CBLB: variants seen among roughly 807,000 people sequenced by gnomAD.
CBLB encodes the protein Cbl proto-oncogene B, also known as E3 ubiquitin-protein ligase CBL-B.
Under a neutral mutation model 104.9 loss-of-function variants are expected in CBLB, and 31 were observed. The ratio of observed to expected loss-of-function variants is 0.30; its 90% CI spans 0.22 to 0.40. The LOEUF (loss-of-function observed/expected upper bound fraction) is 0.40. Ranked by LOEUF, CBLB falls within the 10% of genes least tolerant of loss-of-function variation. The pLI is 1.00. For missense variants in CBLB, 1,062 were observed against 1,214.6 expected (o/e 0.87, Z 1.87); for synonymous variants, 440 against 422.6 (o/e 1.04, Z -0.51).
intron 2 of CBLB, among the ~76,000 whole-genome samples, chr3:105,856,626 C>T (rs1342291314): frequency 6.6e-6 from 1 of 151,800 alleles, no homozygotes; most frequent in African/African-American, 2.4e-5. Flanking sequence ...GTATTATTTC[C>T]TTTATTTTTA....
At chr3:105,816,063 G>C (rs912236522) in intron 3 of CBLB, among the ~76,000 whole-genome samples, 1 of 152,068 alleles carries the variant, frequency 6.6e-6, no homozygotes, top group African/African-American at 2.4e-5. Context: ...GGAGGTAGGG[G>C]GCAAGGGGAG....
At chr3:105,751,876 T>C (rs2076622403) in intron 4 of CBLB, among the ~76,000 whole-genome samples, 1 of 152,202 alleles carries the variant, frequency 6.6e-6, no homozygotes, top group Admixed American at 6.5e-5. Flanking sequence ...AAGATAGCTA[T>C]AGAAACATAT....
At chr3:105,767,232 T>TACCA (rs1223882224) in intron 4 of CBLB, among the ~76,000 whole-genome samples, 2 of 152,152 alleles carry the variant, frequency 1.3e-5, no homozygotes, top group Non-Finnish European at 2.9e-5. Flanking sequence ...TTCTACTGTG[T>TACCA]ACCACTTCTT....
chr3:105,843,169 A>G (rs1424404303), intron 3 of CBLB, among the ~76,000 whole-genome samples: 1 of 152,242 alleles, frequency 6.6e-6, no homozygotes, highest in Non-Finnish European at 1.5e-5. Flanking sequence ...GGCTCTGTAC[A>G]GTTTGCTGAC....
chr3:105,755,262 A>G (rs1308408736), intron 4 of CBLB, among the ~76,000 whole-genome samples: 2 of 151,716 alleles, frequency 1.3e-5, no homozygotes, highest in African/African-American at 4.8e-5. Flanking sequence ...CCCACCTATG[A>G]GTGAGAATAT....
intron 17 of CBLB, among the ~76,000 whole-genome samples, chr3:105,674,195 G>A (rs1025089929): frequency 1.3e-5 from 2 of 152,210 alleles, no homozygotes; most frequent in Non-Finnish European, 2.9e-5. Flanking sequence ...CAAAGGCTGA[G>A]TACTGTGGAG....
Position 105,670,318 on chromosome 3 carries a change from A to C in CBLB, c.2604T>G (p.Pro868=). The part of the protein sequence containing the change: ...PFVDLASGQV[P]LPPARRLPGE... ...CTGGTAACCTTCTAGCAGGAGGCAA[A>C]GGAACTTGGCCACTTGCTAGATCAA... The change falls in exon 18 of 19, where the codon CCT becomes CCG. Residue 868 remains proline (P), a synonymous_variant. Coordinates refer to ENST00000394030, the MANE Select transcript of CBLB (RefSeq NM_170662.5). 1.2e-6 allele frequency: 2 copies of C among 1,611,026 alleles called. No individual in the cohort carries two copies. The highest frequency in any genetic ancestry group is 1.7e-6 in the Non-Finnish European group (2 of 1,177,410).
At chr3:105,701,364 A>G (rs1411009645) in intron 12 of CBLB, among the ~76,000 whole-genome samples, 1 of 152,210 alleles carries the variant, frequency 6.6e-6, no homozygotes, top group Non-Finnish European at 1.5e-5. Context: ...CTGGCTGCCT[A>G]ATGTGCACTG....
At chr3:105,829,513 G>T (rs974899943) in intron 3 of CBLB, among the ~76,000 whole-genome samples, 1 of 151,564 alleles carries the variant, frequency 6.6e-6, no homozygotes, top group African/African-American at 2.4e-5. Flanking sequence ...TTAAAAATCA[G>T]CCAGGCATAG....
In CBLB at chr3:105,867,550, G is replaced by C. The variant is rs1440034813; in HGVS notation, c.28C>G (p.Pro10Ala). MANSMNGRNPGGRGGNPRKG... is the reference protein window; with the variant it reads MANSMNGRNAGGRGGNPRKG... ...CGGGGATTTCCTCCTCGACCACCAGGGTTTCTGCCATTCATTGAGTTTGCC... is the reference window on the plus strand; with the variant it reads ...CGGGGATTTCCTCCTCGACCACCAGCGTTTCTGCCATTCATTGAGTTTGCC... The change falls in exon 2 of 19, where the codon CCT (proline) becomes GCT (alanine). Residue 10 changes from proline to alanine, a missense_variant. By Grantham distance (27) the Pro-to-Ala change is conservative. This residue lies in a region of CBLB where 457 missense variants were observed against 632.0 expected (regional missense o/e 0.72). Transcript: ENST00000394030. 7 of 1,613,926 alleles carry C rather than the reference G, an allele frequency of 4.3e-6. No individual in the cohort carries two copies. Among genetic ancestry groups the C allele is most frequent in the Non-Finnish European group, 5.9e-6 (7 of 1,180,014 alleles).
intron 9 of CBLB, among the ~76,000 whole-genome samples, chr3:105,723,869 T>C (rs1334619970): frequency 1.3e-5 from 2 of 152,140 alleles, no homozygotes; most frequent in Non-Finnish European, 2.9e-5. Context: ...GGTCAATCAC[T>C]TTATGCCTTC....
chr3:105,846,095 T>C (rs1016422821), intron 3 of CBLB, among the ~76,000 whole-genome samples: 2 of 152,050 alleles, frequency 1.3e-5, no homozygotes, highest in African/African-American at 4.8e-5. Context: ...ATGCCTTGAA[T>C]GCAAACAAAT....
At chr3:105,761,272 T>C (rs190874726) in intron 4 of CBLB, among the ~76,000 whole-genome samples, 265 of 152,346 alleles carry the variant, frequency 1.7e-3, no homozygotes, top group African/African-American at 6.3e-3. Flanking sequence ...ACTCAAGTGA[T>C]CCACCTGCCT....
At chr3:105,736,462 A>C (rs1447166434) in intron 8 of CBLB, among the ~76,000 whole-genome samples, 2 of 152,192 alleles carry the variant, frequency 1.3e-5, no homozygotes, top group African/African-American at 2.4e-5. Context: ...AGAAGTTCCC[A>C]TGTGAGTATG....
At chr3:105,665,261 T>C (rs1243939116) in intron 18 of CBLB, among the ~76,000 whole-genome samples, 3 of 151,692 alleles carry the variant, frequency 2.0e-5, no homozygotes, top group African/African-American at 7.3e-5. Context: ...AAACTGCCTA[T>C]AGTCCCAGCT....
At chr3:105,739,654 T>G (rs957481891) in intron 7 of CBLB, among the ~76,000 whole-genome samples, 2 of 152,096 alleles carry the variant, frequency 1.3e-5, no homozygotes, top group Non-Finnish European at 2.9e-5. Context: ...AAGGAATAGC[T>G]TGAGATAAAC....
At chr3:105,757,057 A>G (rs1229712422) in intron 4 of CBLB, among the ~76,000 whole-genome samples, 1 of 152,150 alleles carries the variant, frequency 6.6e-6, no homozygotes, top group Admixed American at 6.5e-5. Flanking sequence ...TGCCATGAGC[A>G]AAAGCTCTCT....
intron 9 of CBLB, among the ~76,000 whole-genome samples, chr3:105,722,742 A>G (rs774939935): frequency 6.6e-6 from 1 of 152,166 alleles, no homozygotes; most frequent in African/African-American, 2.4e-5. Flanking sequence ...TATGTGATAT[A>G]TTTCCTCACA....
In CBLB at chr3:105,818,015, T is replaced by C. The variant is rs145560816; in HGVS notation, c.419+35399A>G. 7.0e-3 allele frequency among the ~76,000 whole-genome samples: 1,070 copies of C among 152,330 alleles called. 11 individuals are homozygous for C. Among genetic ancestry groups the C allele is most frequent in the African/African-American group, 0.025 (1,027 of 41,574 alleles). On this transcript the variant is annotated intron_variant, in intron 3 of 18. Transcript: ENST00000394030. The stretch of plus-strand genomic sequence containing the variant: ...TTTTTCCCAAAAGATGTAATTATAT[T>C]ATCTTGTTTAAAATTCTGGTTTCCA...
Sources: allele counts gnomAD v4.1 joint callset (sites outside exome capture counted in the v4.1 genomes callset), GRCh38; gene constraint gnomAD v4.1.1; regional missense constraint gnomAD v4.1.1; transcripts MANE v1.5; gene names NCBI Gene and HGNC (gene_info 2026-07-23, HGNC 2026-07-21).